Variants in VPS13B observed in about 807,000 individuals in gnomAD.
VPS13B encodes intermembrane lipid transfer protein VPS13B.
A neutral mutation model predicts 426.4 loss-of-function variants in VPS13B; 285 were observed. The observed-to-expected ratio is 0.67, with a 90% CI of 0.61 to 0.74. The LOEUF is 0.74. Ranked by LOEUF, VPS13B falls within the 30% of genes least tolerant of loss-of-function variation. The probability of loss-of-function intolerance (pLI) is 0.00; values close to 1 mark genes in which losing one functional copy is unlikely to be tolerated. For missense variants in VPS13B, 4,537 were observed against 4,782.6 expected, an observed-to-expected ratio of 0.95 and a Z score of 1.51; for synonymous variants, 1,676 against 1,676.4, an observed-to-expected ratio of 1.00 and a Z score of 0.01.
At chr8:99,514,850 T>C (rs534617564) in intron 29 of VPS13B, among the ~76,000 whole-genome samples, 2 of 152,178 alleles carry the variant, frequency 1.3e-5, no homozygotes, top group Non-Finnish European at 2.9e-5. Context: ...GAATTCTGTT[T>C]TTGAGGAACC....
chr8:99,462,364 A>G (rs1162950627), intron 23 of VPS13B, among the ~76,000 whole-genome samples: 3 of 152,052 alleles, frequency 2.0e-5, no homozygotes, highest in Non-Finnish European at 2.9e-5. Flanking sequence ...TATTCTTGAC[A>G]TCATTGGTTG....
chr8:99,299,966 CTTG>C (rs774281607), intron 19 of VPS13B, among the ~76,000 whole-genome samples: 6 of 152,102 alleles, frequency 3.9e-5, no homozygotes, highest in Non-Finnish European at 8.8e-5. Flanking sequence ...AGTAGCTTGC[CTTG>C]TTGTGTTTTG....
chr8:99,180,490 A>G (rs1812890815), intron 16 of VPS13B, among the ~76,000 whole-genome samples: 1 of 152,198 alleles, frequency 6.6e-6, no homozygotes, highest in African/African-American at 2.4e-5. Flanking sequence ...TGCATTTCAG[A>G]TAATGGTGAG....
intron 19 of VPS13B, among the ~76,000 whole-genome samples, chr8:99,294,914 C>T (rs1302516569): frequency 1.3e-5 from 2 of 152,138 alleles, no homozygotes; most frequent in Non-Finnish European, 2.9e-5. Flanking sequence ...ATAAGGATGG[C>T]ATCATGTGGC....
chr8:99,580,836 A>G (rs1277583634), intron 33 of VPS13B, among the ~76,000 whole-genome samples: 1 of 151,954 alleles, frequency 6.6e-6, no homozygotes, highest in Non-Finnish European at 1.5e-5. Context: ...TGGGTGATAG[A>G]GCAAGAGACC....
intron 19 of VPS13B, among the ~76,000 whole-genome samples, chr8:99,338,792 G>A (rs1339568074): frequency 6.6e-6 from 1 of 152,078 alleles, no homozygotes; most frequent in African/African-American, 2.4e-5. Context: ...AACAGAGGTT[G>A]TTACCATGAT....
intron 55 of VPS13B, among the ~76,000 whole-genome samples, chr8:99,849,963 G>T (rs551908289): frequency 1.4e-5 from 2 of 147,990 alleles, no homozygotes; most frequent in African/African-American, 5.0e-5. Flanking sequence ...ACATAAGTAC[G>T]CATGTATGTA....
chr8:99,545,435 G>C (rs1823917275), intron 30 of VPS13B, among the ~76,000 whole-genome samples: 1 of 152,040 alleles, frequency 6.6e-6, no homozygotes, highest in African/African-American at 2.4e-5. Context: ...CGTTAGCCAT[G>C]TAACTACTAC....
chr8:99,363,569 C>T (rs1281939099), intron 19 of VPS13B, among the ~76,000 whole-genome samples: 6 of 152,018 alleles, frequency 3.9e-5, no homozygotes, highest in Non-Finnish European at 5.9e-5. Context: ...GTAGTATGGA[C>T]GTTTTAACAA....
intron 15 of VPS13B, among the ~76,000 whole-genome samples, chr8:99,163,521 C>A (rs1235785497): frequency 6.6e-6 from 1 of 152,238 alleles, no homozygotes; most frequent in Non-Finnish European, 1.5e-5. Context: ...GCATGGCAGG[C>A]TGCAGGTCCC....
In VPS13B at chr8:99,742,797, A is replaced by C. The variant is rs192475687; in HGVS notation, c.7050+21750A>C. Among the ~76,000 whole-genome samples, 7 of 152,328 alleles carry C rather than the reference A, an allele frequency of 4.6e-5. No individual in the cohort carries two copies. In the East Asian group the frequency reaches 1.2e-3, roughly 25 times the overall value. ...ACAACCCTTCACGCCAAAAACTCTCAATAAATTAGGTATTGATGGGACGTA... is the reference window on the plus strand; with the variant it reads ...ACAACCCTTCACGCCAAAAACTCTCCATAAATTAGGTATTGATGGGACGTA... On this transcript the variant is annotated intron_variant, in intron 39 of 61. Coordinates refer to ENST00000357162, the MANE Select transcript of VPS13B (RefSeq NM_152564.5).
intron 17 of VPS13B, among the ~76,000 whole-genome samples, chr8:99,251,629 A>G (rs759959126): frequency 3.3e-5 from 5 of 152,144 alleles, no homozygotes; most frequent in Non-Finnish European, 7.4e-5. Context: ...ATCTTTGTCT[A>G]TAATTTTCCT....
chr8:99,858,383 G>C (rs996244745), intron 56 of VPS13B, among the ~76,000 whole-genome samples: 1 of 152,212 alleles, frequency 6.6e-6, no homozygotes, highest in Non-Finnish European at 1.5e-5. Context: ...GCCAGCCCAA[G>C]CTTCAGGAGG....
chr8:99,093,535 C>T (rs1415335087), intron 3 of VPS13B, among the ~76,000 whole-genome samples: 1 of 140,514 alleles, frequency 7.1e-6, no homozygotes, highest in Admixed American at 7.0e-5. Flanking sequence ...CCCCCTCCCC[C>T]CACCTCACAA....
At chr8:99,126,898 A>C (rs923902348) in intron 8 of VPS13B, among the ~76,000 whole-genome samples, 111 of 152,164 alleles carry the variant, frequency 7.3e-4, no homozygotes, top group Non-Finnish European at 1.6e-4. Flanking sequence ...ATTCCAGACC[A>C]GCCATGCAAA....
intron 19 of VPS13B, among the ~76,000 whole-genome samples, chr8:99,353,602 C>CA (rs200551748): frequency 0.057 from 6,197 of 108,618 alleles, 167 homozygotes; most frequent in Middle Eastern, 0.078. Context: ...AGACTTCTTT[C>CA]AAAAAAAAAA....
At chr8:99,487,006 A>G (rs1820343389) in intron 25 of VPS13B, among the ~76,000 whole-genome samples, 2 of 152,084 alleles carry the variant, frequency 1.3e-5, no homozygotes, top group East Asian at 3.9e-4. Flanking sequence ...CAGTAGGCTT[A>G]AAGGGCAGGA....
At chr8:99,612,681 T>G (rs762182914) in intron 33 of VPS13B, among the ~76,000 whole-genome samples, 1 of 151,946 alleles carries the variant, frequency 6.6e-6, no homozygotes, top group South Asian at 2.1e-4. Context: ...AGTTCTCATT[T>G]GGAGTGGGAA....
At chr8:99,521,160 T>C in intron 30 of VPS13B, 150 bp downstream of exon 30, 1 of 675,952 alleles carries the variant, frequency 1.5e-6, no homozygotes, top group South Asian at 1.8e-5. Flanking sequence ...TCTTCAGTTG[T>C]GGGTTTTTTA....
Sources: allele counts gnomAD v4.1 joint callset (sites outside exome capture counted in the v4.1 genomes callset), GRCh38; gene constraint gnomAD v4.1.1; transcripts MANE v1.5; gene names NCBI Gene and HGNC (gene_info 2026-07-23, HGNC 2026-07-21).